CNTN5: variants seen among roughly 807,000 people sequenced by gnomAD.
CNTN5 encodes contactin-5.
Under a neutral mutation model 129.1 loss-of-function variants are expected in CNTN5, and 77 were observed. The observed-to-expected ratio is 0.60, with a 90% confidence interval of 0.50 to 0.72. CNTN5 has a LOEUF of 0.72. Ranked by LOEUF, CNTN5 falls within the 30% of genes least tolerant of loss-of-function variation. The probability of loss-of-function intolerance (pLI) is 0.00; values close to 1 mark genes in which losing one functional copy is unlikely to be tolerated. For missense variants in CNTN5, 1,478 were observed against 1,328.8 expected (o/e 1.11, Z -1.75); for synonymous variants, 509 against 465.6 (o/e 1.09, Z -1.20).
chr11:99,355,811 G>GTTT (rs367680756), intron 2 of CNTN5, among the ~76,000 whole-genome samples: 34 of 127,792 alleles, frequency 2.7e-4, no homozygotes, highest in African/African-American at 5.3e-4. Context: ...ATCTGTCATG[G>GTTT]TTTTTTTTTG....
chr11:99,501,926 T>G (rs1257523278), intron 2 of CNTN5, among the ~76,000 whole-genome samples: 3 of 152,192 alleles, frequency 2.0e-5, no homozygotes, highest in Non-Finnish European at 4.4e-5. Context: ...CCATCTTTTA[T>G]TAGCGTAAAT....
In CNTN5 at chr11:100,050,886, A is replaced by C. The variant is rs1252681947; in HGVS notation, c.981-10326A>C. The stretch of plus-strand genomic sequence containing the variant: ...ATAAAAAGATTAACTTTTCAAGAAG[A>C]CATTCAAATCCAAAATGTATATGCA... On this transcript the variant is annotated intron_variant, in intron 9 of 24. Coordinates refer to ENST00000524871, the MANE Select transcript of CNTN5 (RefSeq NM_014361.4). 3.3e-5 allele frequency among the ~76,000 whole-genome samples: 5 copies of C among 152,130 alleles called. No individual in the cohort carries two copies. The East Asian group carries it at 9.6e-4, about 29-fold the overall frequency.
At chr11:99,201,344 C>CCTTT (rs1859178248) in intron 1 of CNTN5, among the ~76,000 whole-genome samples, 2 of 127,386 alleles carry the variant, frequency 1.6e-5, no homozygotes, top group African/African-American at 3.1e-5. Flanking sequence ...TTCCTTCCTT[C>CCTTT]CTTTCCTTTC....
chr11:99,925,965 C>A (rs1950052795), intron 7 of CNTN5, among the ~76,000 whole-genome samples: 1 of 152,110 alleles, frequency 6.6e-6, no homozygotes, highest in Non-Finnish European at 1.5e-5. Context: ...GGATTCTCAT[C>A]CTGGCTCTGA....
chr11:99,594,393 G>A (rs1950065208), intron 3 of CNTN5, among the ~76,000 whole-genome samples: 1 of 152,108 alleles, frequency 6.6e-6, no homozygotes, highest in Admixed American at 6.5e-5. Flanking sequence ...CTGATATCTG[G>A]ACAAAGCTTG....
chr11:100,177,985 C>T (rs113291321), intron 13 of CNTN5, among the ~76,000 whole-genome samples: 109 of 152,158 alleles, frequency 7.2e-4, no homozygotes, highest in African/African-American at 2.5e-3. Flanking sequence ...TTCAAAGGAG[C>T]GAACTCAATG....
chr11:99,250,746 T>G (rs985010232), intron 1 of CNTN5, among the ~76,000 whole-genome samples: 1 of 151,932 alleles, frequency 6.6e-6, no homozygotes, highest in Admixed American at 6.6e-5. Flanking sequence ...TCAGTTATCT[T>G]TGGTTATTAT....
chr11:99,314,263 G>A (rs142643721), intron 1 of CNTN5, among the ~76,000 whole-genome samples: 38 of 152,064 alleles, frequency 2.5e-4, no homozygotes, highest in Non-Finnish European at 3.7e-4. Context: ...ATACTGGTGT[G>A]TTATAAAATA....
chr11:100,297,699 A>G lies in CNTN5; in HGVS notation c.2385+4A>G. On this transcript the variant is annotated splice_donor_region_variant and intron_variant, in intron 19 of 24. Coordinates refer to ENST00000524871, the MANE Select transcript of CNTN5 (RefSeq NM_014361.4). ...TGAGTTAGTCATTGCCTGGGAGGTA[A>G]GAAAAACACATCCTCTCACAAATTA... 1.3e-6 allele frequency: 2 copies of G among 1,587,402 alleles called. No individual in the cohort carries two copies. Among genetic ancestry groups the G allele is most frequent in the Non-Finnish European group, 1.7e-6 (2 of 1,162,520 alleles).
intron 6 of CNTN5, among the ~76,000 whole-genome samples, chr11:99,851,896 G>A (rs1428518951): frequency 6.6e-6 from 1 of 151,980 alleles, no homozygotes; most frequent in East Asian, 1.9e-4. Context: ...AGGTAAAATT[G>A]ACCTTAGAGT....
intron 1 of CNTN5, among the ~76,000 whole-genome samples, chr11:99,177,050 G>C (rs893216119): frequency 1.3e-5 from 2 of 152,112 alleles, no homozygotes; most frequent in Non-Finnish European, 2.9e-5. Flanking sequence ...TCAAGGACCA[G>C]GTTTGTTTCC....
rs116155774 is a variant in CNTN5, at chr11:99,099,266, T to C, written c.-210+77996T>C. Among the ~76,000 whole-genome samples, 959 of 152,228 alleles carry C rather than the reference T, an allele frequency of 6.3e-3. 14 individuals carry two copies. The highest frequency in any genetic ancestry group is 0.022 in the African/African-American group (921 of 41,548). On this transcript the variant is annotated intron_variant, in intron 1 of 24. Transcript: ENST00000524871. ...GACAAATATGAATTAATCTTAAAGA[T>C]ATTAGTATAAAAGTAAATTCTGCTA...
chr11:100,273,333 G>T (rs1033166636), intron 18 of CNTN5, among the ~76,000 whole-genome samples: 2 of 152,230 alleles, frequency 1.3e-5, no homozygotes, highest in East Asian at 3.9e-4. Context: ...TTTGCTGGGC[G>T]TGTCTGCTTA....
At position 99,779,868 on chromosome 11, in the gene CNTN5, G is replaced by C. The variant is rs915029575; in HGVS notation, c.56-39676G>C. On this transcript the variant is annotated intron_variant, in intron 3 of 24. Transcript: ENST00000524871. ...GCTGTGCAATCCACCTAGACCCCAT[G>C]ATCTGCTCCCTTCAATTGCACCAGG... Among the ~76,000 whole-genome samples the C allele has an allele frequency of 4.6e-5, 7 of 152,032 alleles. No individual in the cohort carries two copies. In the South Asian group the frequency reaches 1.5e-3, roughly 32 times the overall value.
intron 1 of CNTN5, among the ~76,000 whole-genome samples, chr11:99,143,459 T>A (rs6589911): frequency 0.94 from 142,183 of 150,610 alleles, 67,219 homozygotes; most frequent in East Asian, 1. Context: ...ACAAATTGAC[T>A]GAACCAAAAA....
At chr11:99,602,525 C>A (rs1950345866) in intron 3 of CNTN5, among the ~76,000 whole-genome samples, 1 of 152,014 alleles carries the variant, frequency 6.6e-6, no homozygotes, top group South Asian at 2.1e-4. Context: ...ATTGAGAGCA[C>A]TACCCATATA....
intron 3 of CNTN5, among the ~76,000 whole-genome samples, chr11:99,639,851 A>G (rs1951707186): frequency 6.6e-6 from 1 of 152,096 alleles, no homozygotes; most frequent in African/African-American, 2.4e-5. Context: ...GGTGTGAGCC[A>G]CCACGTCAGT....
At chr11:99,472,402 G>T (rs1477074780) in intron 2 of CNTN5, among the ~76,000 whole-genome samples, 2 of 152,032 alleles carry the variant, frequency 1.3e-5, no homozygotes, top group Non-Finnish European at 2.9e-5. Context: ...TGCAAATTTT[G>T]TGTAGTCTGT....
At chr11:99,935,080 T>C (rs940524577) in intron 7 of CNTN5, among the ~76,000 whole-genome samples, 5 of 150,930 alleles carry the variant, frequency 3.3e-5, no homozygotes, top group Non-Finnish European at 7.4e-5. Context: ...TATCTTCACA[T>C]AGATGTATAT....
Sources: gnomAD v4.1 joint callset for allele counts (sites outside exome capture counted in the v4.1 genomes callset) on GRCh38, gnomAD v4.1.1 for gene constraint, MANE v1.5 for transcripts, NCBI Gene and HGNC (gene_info 2026-07-23, HGNC 2026-07-21) for gene names.